Variants in FOCAD observed in about 807,000 individuals in gnomAD.
The protein encoded by FOCAD is KIAA1797.
Under a neutral mutation model 225.6 loss-of-function variants are expected in FOCAD, and 198 were observed. That is an observed-to-expected ratio of 0.88 (90% confidence interval 0.78 to 0.99). The LOEUF is 0.99. Ranked by LOEUF, FOCAD falls within the 50% of genes least tolerant of loss-of-function variation. FOCAD has a pLI of 0.00. For missense variants in FOCAD, 2,713 were observed against 2,123.6 expected, an observed-to-expected ratio of 1.28 and a Z score of -5.46; for synonymous variants, 897 against 755.0, an observed-to-expected ratio of 1.19 and a Z score of -3.08.
At chr9:20,856,519 T>C (rs1828200771) in intron 15 of FOCAD, among the ~76,000 whole-genome samples, 1 of 152,096 alleles carries the variant, frequency 6.6e-6, no homozygotes. Flanking sequence ...TTTGCAAATA[T>C]TTTCTCTTAT....
At chr9:20,704,578 A>C (rs1238280453) in intron 1 of FOCAD, among the ~76,000 whole-genome samples, 1 of 152,218 alleles carries the variant, frequency 6.6e-6, no homozygotes, top group Admixed American at 6.5e-5. Context: ...TTTCTCCTTG[A>C]AAATGAAGGA....
intron 3 of FOCAD, among the ~76,000 whole-genome samples, chr9:20,718,272 G>C (rs983720622): frequency 6.6e-6 from 1 of 152,176 alleles, no homozygotes; most frequent in Non-Finnish European, 1.5e-5. Context: ...CTCAGCCCCA[G>C]CTGTGAGTTC....
intron 35 of FOCAD, among the ~76,000 whole-genome samples, chr9:20,972,519 C>G (rs1271808035): frequency 6.6e-6 from 1 of 151,730 alleles, no homozygotes; most frequent in African/African-American, 2.4e-5. Flanking sequence ...TTTTTAGCTG[C>G]TCTTTTTTCC....
intron 1 of FOCAD, among the ~76,000 whole-genome samples, chr9:20,697,242 A>G (rs1046521155): frequency 6.6e-6 from 1 of 152,218 alleles, no homozygotes; most frequent in African/African-American, 2.4e-5. Context: ...TTATTGATGT[A>G]ACCTAACTGG....
At chr9:20,946,233 C>G (rs1317373298) in intron 29 of FOCAD, among the ~76,000 whole-genome samples, 1 of 152,168 alleles carries the variant, frequency 6.6e-6, no homozygotes, top group Non-Finnish European at 1.5e-5. Flanking sequence ...TGCTCCACTA[C>G]TTCTCCTAGG....
intron 5 of FOCAD, among the ~76,000 whole-genome samples, chr9:20,751,751 T>C (rs1466853551): frequency 6.7e-6 from 1 of 148,714 alleles, no homozygotes; most frequent in African/African-American, 2.5e-5. Context: ...CCACAATGGT[T>C]GAACTAGTTT....
At chr9:20,715,946 A>G (rs1380471860) in intron 2 of FOCAD, among the ~76,000 whole-genome samples, 1 of 152,242 alleles carries the variant, frequency 6.6e-6, no homozygotes, top group Non-Finnish European at 1.5e-5. Context: ...CCTTTAGCTA[A>G]CTAGAAACAT....
intron 23 of FOCAD, among the ~76,000 whole-genome samples, chr9:20,914,936 C>T (rs1272881824): frequency 6.6e-6 from 1 of 152,076 alleles, no homozygotes; most frequent in Non-Finnish European, 1.5e-5. Context: ...TATTTTAAGG[C>T]AGATATCATA....
chr9:20,993,178 G>T, intron 42 of FOCAD, 75 bp from the exon 43 acceptor site: 1 of 1,236,430 alleles, frequency 8.1e-7, no homozygotes. Flanking sequence ...CATATATATA[G>T]GTCCAAGGGA....
At chr9:20,859,369 G>C (rs935531191) in intron 15 of FOCAD, among the ~76,000 whole-genome samples, 2 of 145,794 alleles carry the variant, frequency 1.4e-5, no homozygotes, top group African/African-American at 5.1e-5. Context: ...CAACAAGAGT[G>C]AAACTCCATC....
chr9:20,891,706 G>A lies in FOCAD; in HGVS notation c.2625+6476G>A, dbSNP rs190016954. Among the ~76,000 whole-genome samples, 19 of 152,256 alleles carry A rather than the reference G, an allele frequency of 1.2e-4. No individual in the cohort carries two copies. In the East Asian group the frequency reaches 3.3e-3, roughly 26 times the overall value. On this transcript the variant is annotated intron_variant, in intron 21 of 43. Transcript: ENST00000338382. ...GTTCCTGAGGTGTAAGGAAAGAAGC[G>A]ATTTTCACAACACCAAAGTGCAAGT...
intron 2 of FOCAD, among the ~76,000 whole-genome samples, chr9:20,670,335 G>T (rs1044805861): frequency 6.6e-6 from 1 of 152,146 alleles, no homozygotes; most frequent in Non-Finnish European, 1.5e-5. Flanking sequence ...AGTATCTCTT[G>T]AATTAGTCTG....
intron 23 of FOCAD, among the ~76,000 whole-genome samples, chr9:20,915,081 C>T (rs568453679): frequency 4.6e-5 from 7 of 152,256 alleles, no homozygotes; most frequent in African/African-American, 7.2e-5. Context: ...AGCAGGTCTG[C>T]GTAGAATAGG....
At chr9:20,791,237 T>A (rs143304209) in intron 11 of FOCAD, among the ~76,000 whole-genome samples, 187 of 148,522 alleles carry the variant, frequency 1.3e-3, no homozygotes, top group East Asian at 5.4e-3. Context: ...ACACACACAC[T>A]CACACACACA....
intron 5 of FOCAD, among the ~76,000 whole-genome samples, chr9:20,742,381 C>G (rs553809918): frequency 8.5e-5 from 13 of 152,234 alleles, no homozygotes; most frequent in African/African-American, 3.1e-4. Context: ...AGTGCAGATT[C>G]TTTTTCCTTA....
At chr9:20,947,631 A>G (rs1837302961) in intron 30 of FOCAD, among the ~76,000 whole-genome samples, 1 of 152,184 alleles carries the variant, frequency 6.6e-6, no homozygotes, top group Non-Finnish European at 1.5e-5. Context: ...TATTCACAGT[A>G]AAGATGATAA....
chr9:20,859,719 T>G (rs1828583551), intron 15 of FOCAD, among the ~76,000 whole-genome samples: 1 of 147,388 alleles, frequency 6.8e-6, no homozygotes, highest in Non-Finnish European at 1.5e-5. Flanking sequence ...ATATATTATA[T>G]ATATATATAA....
chr9:20,911,841 C>G (rs1455945605), intron 22 of FOCAD, among the ~76,000 whole-genome samples: 2 of 152,060 alleles, frequency 1.3e-5, no homozygotes, highest in Non-Finnish European at 2.9e-5. Context: ...CTTCTATACA[C>G]TATATCTTAG....
chr9:20,769,824 A>G lies in FOCAD; in HGVS notation c.700-208A>G, dbSNP rs573904443. 2.0e-5 allele frequency among the ~76,000 whole-genome samples: 3 copies of G among 152,378 alleles called. No homozygotes were observed. In the East Asian group the frequency reaches 5.8e-4, roughly 29 times the overall value. On this transcript the variant is annotated intron_variant, in intron 7 of 43. Coordinates refer to ENST00000338382, the MANE Select transcript of FOCAD (RefSeq NM_001375567.1). ...TGTACCAGCCAGCAGTAACAAAAAC[A>G]GTAGCAAATTGGATTTTGGTTAATA...
Sources: allele counts gnomAD v4.1 joint callset (sites outside exome capture counted in the v4.1 genomes callset), GRCh38; gene constraint gnomAD v4.1.1; transcripts MANE v1.5; gene names NCBI Gene and HGNC (gene_info 2026-07-23, HGNC 2026-07-21).